The following SH3D19 variants were observed in gnomAD, a reference collection of about 807,000 sequenced individuals.
SH3D19 encodes SH3 domain containing 19.
SH3D19 carries 58 observed loss-of-function variants against 112.1 expected under a neutral mutation model. That is an observed-to-expected ratio of 0.52 (90% CI 0.42 to 0.64). The LOEUF is 0.64. SH3D19 is among the 30% of genes least tolerant of loss of function. The probability of loss-of-function intolerance (pLI) is 0.00; values close to 1 mark genes in which losing one functional copy is unlikely to be tolerated. For synonymous variants in SH3D19, 391 were observed against 448.5 expected (o/e 0.87, Z 1.62); for missense variants, 1,090 against 1,263.4 (o/e 0.86, Z 2.08).
At chr4:151,314,153 C>T (rs570688818) in intron 1 of SH3D19, among the ~76,000 whole-genome samples, 1 of 152,212 alleles carries the variant, frequency 6.6e-6, no homozygotes, top group African/African-American at 2.4e-5. Flanking sequence ...GCAGCCCTGG[C>T]ATGCATTCTA....
At chr4:151,219,117 T>C (rs1386831953) in intron 2 of SH3D19, among the ~76,000 whole-genome samples, 1 of 152,182 alleles carries the variant, frequency 6.6e-6, no homozygotes, top group African/African-American at 2.4e-5. Flanking sequence ...CCTAGTCCCA[T>C]CTGTGTACTT....
intron 1 of SH3D19, among the ~76,000 whole-genome samples, chr4:151,273,706 A>G (rs1773395433): frequency 6.6e-6 from 1 of 152,006 alleles, no homozygotes; most frequent in Admixed American, 6.6e-5. Context: ...CAACAGAAAG[A>G]TCTGTCCAAA....
At chr4:151,216,483 A>C (rs922545626) in intron 2 of SH3D19, among the ~76,000 whole-genome samples, 1 of 152,202 alleles carries the variant, frequency 6.6e-6, no homozygotes, top group African/African-American at 2.4e-5. Context: ...AGAACTGTAT[A>C]AACAACTACT....
intron 1 of SH3D19, among the ~76,000 whole-genome samples, chr4:151,305,316 C>CAAAG (rs1268863774): frequency 2.0e-5 from 3 of 152,124 alleles, no homozygotes; most frequent in African/African-American, 7.2e-5. Flanking sequence ...ATTTACTAGA[C>CAAAG]AAAGACTTTA....
At chr4:151,298,684 C>T (rs116560126) in intron 1 of SH3D19, among the ~76,000 whole-genome samples, 325 of 152,284 alleles carry the variant, frequency 2.1e-3, no homozygotes, top group African/African-American at 7.4e-3. Context: ...TCCACATCAC[C>T]TTTAACACTG....
intron 2 of SH3D19, among the ~76,000 whole-genome samples, chr4:151,210,990 G>C (rs1454487434): frequency 1.3e-5 from 2 of 151,990 alleles, no homozygotes; most frequent in Non-Finnish European, 2.9e-5. Flanking sequence ...TCTCATCTCA[G>C]CCGTCAGGAG....
chr4:151,200,645 A>C (rs1468527630), intron 2 of SH3D19, among the ~76,000 whole-genome samples: 2 of 152,202 alleles, frequency 1.3e-5, no homozygotes, highest in Non-Finnish European at 2.9e-5. Flanking sequence ...TCTAAACTTA[A>C]GAAAGTGACA....
intron 1 of SH3D19, among the ~76,000 whole-genome samples, chr4:151,275,868 A>G (rs1484194807): frequency 5.3e-5 from 7 of 131,184 alleles, no homozygotes; most frequent in Non-Finnish European, 9.9e-5. Flanking sequence ...TTTTAGACGG[A>G]GTCTCGCTCT....
At chr4:151,174,410 G>A (rs553456218) in intron 7 of SH3D19, among the ~76,000 whole-genome samples, 4 of 152,168 alleles carry the variant, frequency 2.6e-5, no homozygotes, top group African/African-American at 7.2e-5. Flanking sequence ...AATAGTAATC[G>A]ATGCATGTGT....
At chr4:151,155,843 C>T (rs750150026) in intron 9 of SH3D19, among the ~76,000 whole-genome samples, 6 of 152,058 alleles carry the variant, frequency 3.9e-5, no homozygotes, top group Non-Finnish European at 5.9e-5. Flanking sequence ...GAGCCGAAAT[C>T]GTGCCACTGC....
At chr4:151,134,414 G>C (rs1332370174) in intron 15 of SH3D19, among the ~76,000 whole-genome samples, 2 of 152,142 alleles carry the variant, frequency 1.3e-5, no homozygotes, top group East Asian at 3.8e-4. Context: ...CAGAGATAAA[G>C]GAAAACCCCT....
At chr4:151,265,796 G>A (rs976732742) in intron 1 of SH3D19, among the ~76,000 whole-genome samples, 7 of 151,702 alleles carry the variant, frequency 4.6e-5, no homozygotes, top group African/African-American at 7.3e-5. Context: ...CCTTGCCCAG[G>A]TTGGTAATGA....
At chr4:151,287,870 A>AC (rs1287926090) in intron 1 of SH3D19, among the ~76,000 whole-genome samples, 1 of 152,062 alleles carries the variant, frequency 6.6e-6, no homozygotes, top group Non-Finnish European at 1.5e-5. Flanking sequence ...ACAAAGTGAG[A>AC]CCCCTCTCTC....
chr4:151,234,741 T>G (rs28750188), intron 1 of SH3D19, among the ~76,000 whole-genome samples: 3,725 of 17,030 alleles, frequency 0.22, 509 homozygotes, highest in Middle Eastern at 0.46. Flanking sequence ...TTGTGTTTTT[T>G]TTTTTTTTTT....
chr4:151,292,124 C>T (rs747180544), intron 1 of SH3D19, among the ~76,000 whole-genome samples: 2 of 152,050 alleles, frequency 1.3e-5, no homozygotes, highest in African/African-American at 2.4e-5. Flanking sequence ...CAACACAGCC[C>T]CTGTCTCTAC....
chr4:151,207,678 G>A (rs1765309839), intron 2 of SH3D19, among the ~76,000 whole-genome samples: 1 of 152,224 alleles, frequency 6.6e-6, no homozygotes, highest in Non-Finnish European at 1.5e-5. Context: ...ACAATAGTGT[G>A]CTTCTCCAAG....
chr4:151,132,966 G>A (rs1751039437), intron 16 of SH3D19, 68 bp downstream of exon 16: 3 of 1,288,270 alleles, frequency 2.3e-6, no homozygotes, highest in Admixed American at 4.4e-5. Flanking sequence ...TACAGCTTAA[G>A]TATAATGATA....
intron 1 of SH3D19, among the ~76,000 whole-genome samples, chr4:151,261,897 A>G (rs1285724938): frequency 6.6e-6 from 1 of 152,166 alleles, no homozygotes; most frequent in Admixed American, 6.5e-5. Context: ...AGACATGAAG[A>G]TGTGTTCAGG....
At chr4:151,267,716 A>C (rs999722260) in intron 1 of SH3D19, among the ~76,000 whole-genome samples, 2 of 152,232 alleles carry the variant, frequency 1.3e-5, no homozygotes, top group African/African-American at 4.8e-5. Context: ...GAAGTGAATA[A>C]ACATAAAAAG....
Sources: gnomAD v4.1 joint callset for allele counts (sites outside exome capture counted in the v4.1 genomes callset) on GRCh38, gnomAD v4.1.1 for gene constraint, MANE v1.5 for transcripts, NCBI Gene and HGNC (gene_info 2026-07-23, HGNC 2026-07-21) for gene names.